The following DNAH8 variants were observed in gnomAD, a reference collection of about 807,000 sequenced individuals.
DNAH8 encodes the protein axonemal beta dynein heavy chain 8.
A neutral mutation model predicts 562.1 loss-of-function variants in DNAH8; 382 were observed. That is an observed-to-expected ratio of 0.68 (90% CI 0.63 to 0.74). DNAH8 has a LOEUF of 0.74. Among genes scored for constraint, DNAH8 ranks in the 30% least tolerant of loss-of-function variants. The probability of loss-of-function intolerance (pLI) is 0.00; values close to 1 mark genes in which losing one functional copy is unlikely to be tolerated. For missense variants in DNAH8, 5,203 were observed against 5,620.4 expected, an observed-to-expected ratio of 0.93 and a Z score of 2.37; for synonymous variants, 1,881 against 1,919.4, an observed-to-expected ratio of 0.98 and a Z score of 0.52.
chr6:38,833,438 T>A (rs1471922969), intron 31 of DNAH8, among the ~76,000 whole-genome samples: 1 of 152,144 alleles, frequency 6.6e-6, no homozygotes, highest in East Asian at 1.9e-4. Context: ...AAAGTAAATT[T>A]AAAATGGAGA....
At chr6:38,755,635 A>G (rs537943146) in intron 9 of DNAH8, among the ~76,000 whole-genome samples, 1 of 152,276 alleles carries the variant, frequency 6.6e-6, no homozygotes, top group African/African-American at 2.4e-5. Flanking sequence ...AGCAGAATGA[A>G]CTATTAACCT....
intron 33 of DNAH8, among the ~76,000 whole-genome samples, chr6:38,841,624 T>C (rs1007397778): frequency 6.6e-6 from 1 of 152,188 alleles, no homozygotes; most frequent in Non-Finnish European, 1.5e-5. Context: ...ACAAATTCTG[T>C]TGAGTGGTCA....
intron 26 of DNAH8, among the ~76,000 whole-genome samples, chr6:38,822,027 T>TA (rs1385397535): frequency 1.3e-5 from 2 of 152,208 alleles, no homozygotes; most frequent in Non-Finnish European, 2.9e-5. Flanking sequence ...CATATAGTGA[T>TA]ACACAGGCCG....
intron 10 of DNAH8, among the ~76,000 whole-genome samples, chr6:38,760,340 T>C (rs932532604): frequency 2.6e-5 from 4 of 152,236 alleles, no homozygotes; most frequent in African/African-American, 7.2e-5. Context: ...GTATTCAGTA[T>C]TGTTGAGGAG....
chr6:38,926,230 G>C lies in DNAH8; in HGVS notation c.11118+20G>C, dbSNP rs754545702. On this transcript the variant is annotated intron_variant, in intron 74 of 92. Transcript: ENST00000327475. ...TTACAGGTATGTAGCATTTGGTGCAGGGGAAAGTAATCTTGAAATCATGAA... is the reference window on the plus strand; with the variant it reads ...TTACAGGTATGTAGCATTTGGTGCACGGGAAAGTAATCTTGAAATCATGAA... The C allele has an allele frequency of 6.2e-7, 1 of 1,606,436 alleles. No individual in the cohort carries two copies. The highest frequency in any genetic ancestry group is 8.5e-7 in the Non-Finnish European group (1 of 1,176,346).
intron 45 of DNAH8, 93 bp downstream of exon 45, chr6:38,864,153 A>T: frequency 8.7e-7 from 1 of 1,151,406 alleles, no homozygotes. Context: ...ATGACCAACT[A>T]TCCAGGAGTT....
intron 13 of DNAH8, among the ~76,000 whole-genome samples, chr6:38,776,915 C>A (rs1389265738): frequency 6.6e-6 from 1 of 152,178 alleles, no homozygotes; most frequent in Non-Finnish European, 1.5e-5. Context: ...TTCCTGGAGA[C>A]ACAAGCAGGG....
rs924582210 is a variant in DNAH8 at position 38,982,595 on chromosome 6, G to C, written c.12951+133G>C. ...GCCCCCTTTGAAGGGACTTGTTGCT[G>C]TAATCAGGCACTTGCTGGGGCAGCC... On this transcript the variant is annotated intron_variant, in intron 86 of 92. Transcript: ENST00000327475. 74 of 594,638 alleles carry C rather than the reference G, an allele frequency of 1.2e-4. 1 individual carries two copies. The highest frequency in any genetic ancestry group is 2.1e-5 in the Non-Finnish European group (7 of 330,490). 36.8% of individuals were successfully genotyped at this position (594,638 alleles called of 1,614,324 possible). A position where few individuals can be genotyped will look rare whatever the true frequency, so the allele number is the denominator to read the frequency against.
intron 80 of DNAH8, among the ~76,000 whole-genome samples, chr6:38,947,580 T>G (rs1761537541): frequency 6.6e-6 from 1 of 152,094 alleles, no homozygotes; most frequent in Non-Finnish European, 1.5e-5. Flanking sequence ...GTGCCTCAGC[T>G]GCAGATGTGG....
chr6:38,914,632 G>A (rs754683057), intron 67 of DNAH8, among the ~76,000 whole-genome samples: 1 of 151,994 alleles, frequency 6.6e-6, no homozygotes, highest in Non-Finnish European at 1.5e-5. Flanking sequence ...TTACAGGCAT[G>A]AGCCATGGTG....
chr6:38,933,051 A>C (rs1485258989), intron 76 of DNAH8: 2 of 152,416 alleles, frequency 1.3e-5, no homozygotes, highest in Non-Finnish European at 2.9e-5. Context: ...AGCCAGGCGG[A>C]GATGGCCCTG....
Position 38,979,384 on chromosome 6 carries a change from GTTAA to G in DNAH8, c.12835-2957_12835-2954del, listed in dbSNP as rs970844135. Reference sequence around the variant, plus strand: ...GGACTCATCCCATGGTTTCAAAAATGTTAATTAAACTGAAGAAATTCAATATTCC... The same window carrying G: ...GGACTCATCCCATGGTTTCAAAAATGTTAAACTGAAGAAATTCAATATTCC... On this transcript the variant is annotated intron_variant, in intron 85 of 92. Transcript: ENST00000327475. Among the ~76,000 whole-genome samples, 5 of 152,144 alleles carry G rather than the reference GTTAA, an allele frequency of 3.3e-5. No homozygotes were observed. The South Asian group carries it at 6.2e-4, about 19-fold the overall frequency.
intron 62 of DNAH8, among the ~76,000 whole-genome samples, chr6:38,905,697 G>T (rs1025811271): frequency 6.6e-6 from 1 of 152,014 alleles, no homozygotes; most frequent in Admixed American, 6.6e-5. Context: ...ATCACTTTTG[G>T]TAAGTTCCCT....
intron 32 of DNAH8, 101 bp from the exon 33 acceptor site, chr6:38,837,841 T>C (rs931648714): frequency 6.3e-5 from 51 of 812,954 alleles, no homozygotes; most frequent in Admixed American, 5.9e-4. Flanking sequence ...AGCTATTACT[T>C]AATAAACCTC....
rs763244526 is a variant in DNAH8 at position 38,984,318 on chromosome 6, T to A, written c.13053+11T>A. The A allele has an allele frequency of 1.3e-6, 2 of 1,563,338 alleles. No homozygotes were observed. Among genetic ancestry groups the A allele is most frequent in the African/African-American group, 2.7e-5 (2 of 74,052 alleles). ...AATTGCTTTGCCAGAGTAAGTCAAT[T>A]TAGAAAAATAAAGTTTGGAGACACA... On this transcript the variant is annotated intron_variant, in intron 87 of 92. Coordinates refer to ENST00000327475, the MANE Select transcript of DNAH8 (RefSeq NM_001206927.2).
rs755240745 is a variant in DNAH8 at position 38,921,492 on chromosome 6, A to G, written c.10648A>G (p.Met3550Val). 6.2e-7 allele frequency: 1 copy of G among 1,613,124 alleles called. No homozygotes were observed. Among genetic ancestry groups the G allele is most frequent in the Admixed American group, 1.7e-5 (1 of 59,948 alleles). The change falls in exon 71 of 93, where the codon ATG (methionine) becomes GTG (valine). Residue 3550 changes from methionine to valine, a missense_variant. Coordinates refer to ENST00000327475, the MANE Select transcript of DNAH8 (RefSeq NM_001206927.2). The stretch of plus-strand genomic sequence containing the variant: ...AGTACAGGCAAAATTTGATGCAGCA[A>G]TGAATGAGAAAATGGTGAGATTAAA... ...DKVQAKFDAA[M>V]NEKMDLLNDA...
At chr6:38,937,376 C>A (rs1325955902) in intron 77 of DNAH8, among the ~76,000 whole-genome samples, 1 of 151,834 alleles carries the variant, frequency 6.6e-6, no homozygotes, top group Non-Finnish European at 1.5e-5. Context: ...TAATGAAAGG[C>A]AAAACTAAAA....
chr6:38,734,665 G>A (rs1435517687), intron 5 of DNAH8, 40 bp downstream of exon 5: 9 of 1,594,978 alleles, frequency 5.6e-6, no homozygotes, highest in African/African-American at 2.7e-5. Context: ...GTTAAACATT[G>A]AATATATTTT....
intron 83 of DNAH8, among the ~76,000 whole-genome samples, chr6:38,972,903 C>T (rs138255539): frequency 1.3e-5 from 2 of 152,202 alleles, no homozygotes; most frequent in African/African-American, 4.8e-5. Flanking sequence ...CTAGTTAAGC[C>T]GGTGTGAGTT....
Sources: allele counts gnomAD v4.1 joint callset (sites outside exome capture counted in the v4.1 genomes callset), GRCh38; gene constraint gnomAD v4.1.1; transcripts MANE v1.5; gene names NCBI Gene and HGNC (gene_info 2026-07-23, HGNC 2026-07-21).